DGLUCY: variants seen among roughly 807,000 people sequenced by gnomAD.
DGLUCY encodes D-glutamate cyclase, mitochondrial.
A neutral mutation model predicts 58.5 loss-of-function variants in DGLUCY; 58 were observed. That is an observed-to-expected ratio of 0.99 (90% CI 0.80 to 1.23). The LOEUF is 1.23. Ranked by LOEUF, DGLUCY falls within the 50% of genes most tolerant of loss-of-function variation. The pLI, the probability that DGLUCY is intolerant of heterozygous loss-of-function variation, is 0.00. For missense variants in DGLUCY, 779 were observed against 784.7 expected (o/e 0.99, Z 0.09); for synonymous variants, 325 against 314.1 (o/e 1.03, Z -0.37).
chr14:91,096,685 A>AC lies in DGLUCY; in HGVS notation c.-82+35987dup, dbSNP rs565340217. Among the ~76,000 whole-genome samples, 646 of 151,612 alleles carry AC rather than the reference A, an allele frequency of 4.3e-3. 8 individuals carry two copies. The highest frequency in any genetic ancestry group is 0.015 in the African/African-American group (612 of 41,320). ...TTCAGCTGAGTGCCTTCCCCTGCCCACCCCCCTGGCTTGTTCCTCCGACTT... is the reference window on the plus strand; with the variant it reads ...TTCAGCTGAGTGCCTTCCCCTGCCCACCCCCCCTGGCTTGTTCCTCCGACTT... On this transcript the variant is annotated intron_variant, in intron 1 of 4. Transcript: ENST00000521334.
chr14:91,122,310 T>G (rs1279287275), intron 1 of DGLUCY, among the ~76,000 whole-genome samples: 1 of 152,042 alleles, frequency 6.6e-6, no homozygotes, highest in Non-Finnish European at 1.5e-5. Context: ...CGTGCCACCC[T>G]GCCCAGCTAA....
In DGLUCY at chr14:91,201,987, G is replaced by A. The variant is rs2050592353; in HGVS notation, c.1444+2082G>A. 2.6e-5 allele frequency among the ~76,000 whole-genome samples: 4 copies of A among 151,580 alleles called. No individual in the cohort carries two copies. The South Asian group carries it at 8.3e-4, about 32-fold the overall frequency. On this transcript the variant is annotated intron_variant, in intron 11 of 13. Transcript: ENST00000256324. Reference sequence around the variant, plus strand: ...GGAGAATTGCTTGAACCCAGGAGGTGGAAGTTACAGTGAGCCAAGATCGCG... The same window carrying A: ...GGAGAATTGCTTGAACCCAGGAGGTAGAAGTTACAGTGAGCCAAGATCGCG...
intron 1 of DGLUCY, among the ~76,000 whole-genome samples, chr14:91,080,240 T>G (rs558952754): frequency 6.6e-6 from 1 of 152,382 alleles, no homozygotes; most frequent in Admixed American, 6.5e-5. Context: ...GTGAATAATG[T>G]TGTGATAAAC....
At chr14:91,192,591 G>A (rs1200905772) in intron 9 of DGLUCY, among the ~76,000 whole-genome samples, 4 of 152,010 alleles carry the variant, frequency 2.6e-5, no homozygotes, top group African/African-American at 4.8e-5. Context: ...CCAAAACCCC[G>A]TTTCCACCAG....
At chr14:91,065,803 C>T (rs764191673) in intron 1 of DGLUCY, among the ~76,000 whole-genome samples, 6 of 152,042 alleles carry the variant, frequency 3.9e-5, no homozygotes, top group African/African-American at 4.8e-5. Flanking sequence ...TAAATGGGTG[C>T]GGGGCTTGAG....
At chr14:91,097,038 G>GA (rs906578980) in intron 1 of DGLUCY, among the ~76,000 whole-genome samples, 28 of 152,196 alleles carry the variant, frequency 1.8e-4, no homozygotes, top group African/African-American at 6.8e-4. Flanking sequence ...TTGGGCTGGA[G>GA]AAAAAAGAGA....
chr14:91,123,573 A>G (rs2140153991), intron 1 of DGLUCY, among the ~76,000 whole-genome samples: 1 of 152,210 alleles, frequency 6.6e-6, no homozygotes. Context: ...CCATTGTAAC[A>G]GCACTTTAGG....
rs559164913 is a variant in DGLUCY at position 91,144,841 on chromosome 14, G to A, written c.-81-12798G>A. On this transcript the variant is annotated intron_variant, in intron 1 of 13. Coordinates refer to ENST00000256324, the MANE Select transcript of DGLUCY (RefSeq NM_001102368.3). ...ATGATTGTAGCCCACAGATTTGTTT[G>A]GCTAGAGCAGAGCATTCTTTGTTCT... is the stretch of plus-strand genomic sequence containing the variant. Among the ~76,000 whole-genome samples the A allele has an allele frequency of 1.4e-3, 210 of 152,262 alleles. 1 individual carries two copies. Among genetic ancestry groups the A allele is most frequent in the African/African-American group, 4.9e-3 (205 of 41,556 alleles).
chr14:91,085,569 T>G (rs2044202472), intron 1 of DGLUCY, among the ~76,000 whole-genome samples: 4 of 151,532 alleles, frequency 2.6e-5, no homozygotes, highest in Middle Eastern at 6.8e-3. Context: ...TTTTGTTTTT[T>G]TTTTTTTTTA....
intron 1 of DGLUCY, chr14:91,128,811 G>A (rs1345685081): frequency 6.6e-6 from 1 of 152,022 alleles, no homozygotes; most frequent in Non-Finnish European, 1.5e-5. Flanking sequence ...GGACTCGCTT[G>A]GGACCTCTGC....
At chr14:91,182,457 T>TTTA (rs922224725) in intron 8 of DGLUCY, among the ~76,000 whole-genome samples, 22 of 152,062 alleles carry the variant, frequency 1.4e-4, no homozygotes, top group Admixed American at 1.3e-3. Flanking sequence ...ATTTATGTAG[T>TTTA]TTATTATTAT....
intron 9 of DGLUCY, among the ~76,000 whole-genome samples, chr14:91,191,895 T>A (rs1595883143): frequency 6.6e-6 from 1 of 152,100 alleles, no homozygotes; most frequent in Non-Finnish European, 1.5e-5. Flanking sequence ...AGAGTCCAGG[T>A]TTGACATTTG....
At position 91,168,279 on chromosome 14, in the gene DGLUCY, T is replaced by A. The variant is rs569967400; in HGVS notation, c.257+901T>A. ...AGACCCTGTCTAAAATATATATATATAAAATAAAATAAAATTCTTCAGCAT... is the reference window on the plus strand; with the variant it reads ...AGACCCTGTCTAAAATATATATATAAAAAATAAAATAAAATTCTTCAGCAT... On this transcript the variant is annotated intron_variant, in intron 4 of 13. Transcript: ENST00000256324. Among the ~76,000 whole-genome samples the A allele has an allele frequency of 1.1e-4, 16 of 151,438 alleles. No homozygotes were observed. The South Asian group carries it at 3.3e-3, about 32-fold the overall frequency.
rs80181220 is a variant in DGLUCY, at chr14:91,225,140, C to G, written c.*307C>G. On this transcript the variant is annotated 3_prime_UTR_variant, in exon 14 of 14. Transcript: ENST00000256324. ...ACGTGGTCTCCTGTGAGAATCTTCT[C>G]GACAGTTACTTATGGGGACACTTGT... 4.6e-6 allele frequency: 1 copy of G among 218,140 alleles called. No individual in the cohort carries two copies. Among genetic ancestry groups the G allele is most frequent in the South Asian group, 1.3e-4 (1 of 7,432 alleles). The allele number at this position is 218,140 out of a possible 1,614,324, so 13.5% of individuals were successfully genotyped here.
At chr14:91,149,263 AAAAG>A (rs2047182055) in intron 1 of DGLUCY, among the ~76,000 whole-genome samples, 1 of 151,098 alleles carries the variant, frequency 6.6e-6, no homozygotes, top group African/African-American at 2.4e-5. Context: ...AAAAAAAAAG[AAAAG>A]AAAAGAAAAG....
chr14:91,148,308 G>A (rs925020461), intron 1 of DGLUCY, among the ~76,000 whole-genome samples: 8 of 151,076 alleles, frequency 5.3e-5, no homozygotes, highest in South Asian at 2.1e-4. Context: ...AGGCTCAAGC[G>A]ATATTCCTAC....
chr14:91,205,103 C>A (rs150956147), intron 12 of DGLUCY, among the ~76,000 whole-genome samples: 67 of 152,248 alleles, frequency 4.4e-4, no homozygotes, highest in Non-Finnish European at 7.4e-4. Flanking sequence ...TGAGCCCTGA[C>A]AAATAAACAC....
intron 1 of DGLUCY, among the ~76,000 whole-genome samples, chr14:91,094,567 G>T (rs1283553788): frequency 6.7e-6 from 1 of 148,586 alleles, no homozygotes; most frequent in Non-Finnish European, 1.5e-5. Flanking sequence ...TGGGTCAGGC[G>T]CAATGGCTCA....
Position 91,060,357 on chromosome 14 carries a change from G to C in DGLUCY, c.-429G>C, listed in dbSNP as rs781535016. The stretch of plus-strand genomic sequence containing the variant: ...CAGTCCGCAGCTCGTGCTTGACAGT[G>C]AGGAGCTGCTCTCCTCCGTCGCCGC... On this transcript the variant is annotated 5_prime_UTR_variant, in exon 1 of 5. Transcript: ENST00000521334. 7.4e-6 allele frequency: 11 copies of C among 1,481,120 alleles called. No homozygotes were observed. The East Asian group carries it at 1.4e-4, about 18-fold the overall frequency. 91.7% of individuals were successfully genotyped at this position (1,481,120 alleles called of 1,614,324 possible).
Sources: gnomAD v4.1 joint callset for allele counts (sites outside exome capture counted in the v4.1 genomes callset) on GRCh38, gnomAD v4.1.1 for gene constraint, MANE v1.5 for transcripts, NCBI Gene and HGNC (gene_info 2026-07-23, HGNC 2026-07-21) for gene names.